Variants in CPNE8 observed in about 807,000 individuals in gnomAD.
The protein encoded by CPNE8 is copine 8, also known as copine-8.
Under a neutral mutation model 81.5 loss-of-function variants are expected in CPNE8, and 45 were observed. The observed-to-expected ratio is 0.55, with a 90% CI of 0.44 to 0.71. CPNE8 has a LOEUF of 0.71. CPNE8 is among the 30% of genes least tolerant of loss of function. The pLI is 0.00. For synonymous variants in CPNE8, 252 were observed against 226.3 expected (o/e 1.11, Z -1.02); for missense variants, 594 against 672.1 (o/e 0.88, Z 1.28).
intron 5 of CPNE8, among the ~76,000 whole-genome samples, chr12:38,832,764 C>T (rs1469211669): frequency 3.3e-5 from 5 of 152,074 alleles, no homozygotes. Flanking sequence ...CTCCTGAGCT[C>T]AGGTGATCCA....
rs1943897882 is a variant in CPNE8, at chr12:38,865,244, G to A, written c.186+7760C>T. ...AAACCATTTGGCAGTATCTACTGAAGAAGAAAATATGCATTCCCCCTATGG... is the reference window on the plus strand; with the variant it reads ...AAACCATTTGGCAGTATCTACTGAAAAAGAAAATATGCATTCCCCCTATGG... On this transcript the variant is annotated intron_variant, in intron 3 of 19. Coordinates refer to ENST00000331366, the MANE Select transcript of CPNE8 (RefSeq NM_153634.3). 2.6e-5 allele frequency among the ~76,000 whole-genome samples: 4 copies of A among 152,182 alleles called. No individual in the cohort carries two copies. In the South Asian group the frequency reaches 8.3e-4, roughly 32 times the overall value.
chr12:38,852,577 G>A (rs970275333), intron 3 of CPNE8, among the ~76,000 whole-genome samples: 1 of 152,062 alleles, frequency 6.6e-6, no homozygotes, highest in Non-Finnish European at 1.5e-5. Context: ...ATTTCAGCCT[G>A]GGCAACAAGA....
chr12:38,742,034 G>A (rs950273592), intron 10 of CPNE8, among the ~76,000 whole-genome samples: 4 of 152,164 alleles, frequency 2.6e-5, no homozygotes, highest in African/African-American at 9.7e-5. Flanking sequence ...ACAGGTGCTG[G>A]AGAGGATGTG....
At chr12:38,816,502 C>G (rs1592116266) in intron 6 of CPNE8, among the ~76,000 whole-genome samples, 2 of 152,240 alleles carry the variant, frequency 1.3e-5, no homozygotes, top group East Asian at 3.9e-4. Context: ...AAAAACCTAA[C>G]AGGAGCAACT....
chr12:38,652,503 T>C lies in CPNE8; in HGVS notation c.*1379A>G, dbSNP rs1938721535. On this transcript the variant is annotated 3_prime_UTR_variant, in exon 20 of 20. Coordinates refer to ENST00000331366, the MANE Select transcript of CPNE8 (RefSeq NM_153634.3). ...CTTATAAAAGTCACCCTAGGTCAAC[T>C]TGGGACAAAGAAAACAATGTACAGT... 6.6e-6 allele frequency: 1 copy of C among 152,510 alleles called. No individual in the cohort carries two copies. The highest frequency in any genetic ancestry group is 1.5e-5 in the Non-Finnish European group (1 of 68,000). The allele number at this position is 152,510 out of a possible 1,614,324, so 9.4% of individuals were successfully genotyped here.
intron 15 of CPNE8, among the ~76,000 whole-genome samples, chr12:38,692,148 C>T (rs1939690669): frequency 6.6e-6 from 1 of 151,812 alleles, no homozygotes; most frequent in African/African-American, 2.4e-5. Context: ...AAAAATTAGC[C>T]AGGTGTTATG....
intron 5 of CPNE8, among the ~76,000 whole-genome samples, chr12:38,832,904 C>T (rs970764223): frequency 1.8e-4 from 27 of 152,084 alleles, no homozygotes; most frequent in African/African-American, 4.6e-4. Context: ...GTCTTTTTAA[C>T]GGATAGATCC....
chr12:38,748,301 C>T (rs1941280010), intron 10 of CPNE8, among the ~76,000 whole-genome samples: 1 of 151,902 alleles, frequency 6.6e-6, no homozygotes, highest in African/African-American at 2.4e-5. Flanking sequence ...ATGAGCAACC[C>T]CATCCGAACG....
Position 38,685,558 on chromosome 12 carries a change from G to A in CPNE8, c.1203C>T (p.Tyr401=), listed in dbSNP as rs774613687. The change falls in exon 16 of 20, where the codon TAC becomes TAT. Residue 401 remains tyrosine, a synonymous_variant. Transcript: ENST00000331366. ...DGIEGVMEAY[Y]RSLKSVQLYG... is the part of the protein sequence containing the mutation. The stretch of plus-strand genomic sequence containing the variant: ...ATAGTTGTACAGATTTCAGACTCCT[G>A]TAATAAGCCTCCATGACCCCCTCAA... 1.2e-6 allele frequency: 2 copies of A among 1,613,434 alleles called. No homozygotes were observed. The highest frequency in any genetic ancestry group is 2.2e-5 in the East Asian group (1 of 44,828).
chr12:38,790,820 G>C (rs1258639513), intron 6 of CPNE8, among the ~76,000 whole-genome samples: 1 of 151,684 alleles, frequency 6.6e-6, no homozygotes, highest in Non-Finnish European at 1.5e-5. Context: ...ACCTTTGAGA[G>C]ACTGGATAAT....
chr12:38,860,185 C>G (rs528510872), intron 3 of CPNE8, among the ~76,000 whole-genome samples: 1 of 151,428 alleles, frequency 6.6e-6, no homozygotes, highest in African/African-American at 2.4e-5. Context: ...ACAAAGAAAT[C>G]GGAAACTCAG....
At chr12:38,690,486 C>T (rs1007057124) in intron 15 of CPNE8, among the ~76,000 whole-genome samples, 1 of 152,208 alleles carries the variant, frequency 6.6e-6, no homozygotes, top group South Asian at 2.1e-4. Flanking sequence ...TTGTTTTCAT[C>T]GTCAATTTGA....
intron 6 of CPNE8, among the ~76,000 whole-genome samples, chr12:38,783,570 G>A (rs557544594): frequency 1.3e-5 from 2 of 152,284 alleles, no homozygotes; most frequent in South Asian, 4.1e-4. Context: ...CACAGAGGGA[G>A]CATTTAAACT....
At chr12:38,852,213 A>G (rs771090378) in intron 3 of CPNE8, among the ~76,000 whole-genome samples, 1 of 152,040 alleles carries the variant, frequency 6.6e-6, no homozygotes, top group Non-Finnish European at 1.5e-5. Flanking sequence ...AGATCACCTG[A>G]GGTTAGGGGT....
chr12:38,823,123 G>C (rs1383386106), intron 6 of CPNE8, among the ~76,000 whole-genome samples: 1 of 152,068 alleles, frequency 6.6e-6, no homozygotes, highest in African/African-American at 2.4e-5. Context: ...TAACTTTCAG[G>C]ATAAGTCCAC....
At chr12:38,656,321 CT>C (rs71068570) in intron 19 of CPNE8, among the ~76,000 whole-genome samples, 86,007 of 137,480 alleles carry the variant, frequency 0.63, 31,746 homozygotes, top group Non-Finnish European at 0.85. Flanking sequence ...GGTCTTTAGA[CT>C]TTTTTTTTTT....
At chr12:38,805,910 A>T (rs1291383827) in intron 6 of CPNE8, among the ~76,000 whole-genome samples, 1 of 149,780 alleles carries the variant, frequency 6.7e-6, no homozygotes, top group Non-Finnish European at 1.5e-5. Flanking sequence ...ATAAAAAATG[A>T]TAAAGGGGAT....
At chr12:38,806,325 T>C (rs1372628575) in intron 6 of CPNE8, among the ~76,000 whole-genome samples, 2 of 149,836 alleles carry the variant, frequency 1.3e-5, no homozygotes, top group Non-Finnish European at 1.5e-5. Context: ...ACCAATATCC[T>C]TGATGAACAT....
rs147089663 is a variant in CPNE8, at chr12:38,659,934, A to G, written c.1507-5864T>C. Among the ~76,000 whole-genome samples, 795 of 152,300 alleles carry G rather than the reference A, an allele frequency of 5.2e-3. 4 individuals carry two copies. The highest frequency in any genetic ancestry group is 0.018 in the African/African-American group (754 of 41,554). ...GATGTGAAGGACCTCTTCAAGGAGA[A>G]CTACAAACCACTGCTCAATGAAATA... On this transcript the variant is annotated intron_variant, in intron 19 of 19. Coordinates refer to ENST00000331366, the MANE Select transcript of CPNE8 (RefSeq NM_153634.3).
Sources: allele counts gnomAD v4.1 joint callset (sites outside exome capture counted in the v4.1 genomes callset), GRCh38; gene constraint gnomAD v4.1.1; transcripts MANE v1.5; gene names NCBI Gene and HGNC (gene_info 2026-07-23, HGNC 2026-07-21).